BMERB1: variants seen among roughly 807,000 people sequenced by gnomAD.
BMERB1 encodes the protein bMERB domain containing 1.
In BMERB1, 12 loss-of-function variants were observed where a neutral mutation model predicts 23.6. The ratio of observed to expected loss-of-function variants is 0.51; its 90% CI spans 0.33 to 0.82. The LOEUF is 0.82. Ranked by LOEUF, BMERB1 falls within the 40% of genes least tolerant of loss-of-function variation. The probability of loss-of-function intolerance (pLI) is 0.03; values close to 1 mark genes in which losing one functional copy is unlikely to be tolerated. For synonymous variants in BMERB1, 122 were observed against 96.6 expected, an observed-to-expected ratio of 1.26 and a Z score of -1.54; for missense variants, 247 against 255.4, an observed-to-expected ratio of 0.97 and a Z score of 0.22.
chr16:15,452,154 A>C (rs995132739), intron 1 of BMERB1, among the ~76,000 whole-genome samples: 1 of 151,268 alleles, frequency 6.6e-6, no homozygotes, highest in African/African-American at 2.4e-5. Flanking sequence ...TGGGGCGTGC[A>C]CCTGTAGTCC....
chr16:15,534,100 C>T (rs1409544944), intron 2 of BMERB1, among the ~76,000 whole-genome samples: 3 of 151,848 alleles, frequency 2.0e-5, no homozygotes, highest in African/African-American at 4.8e-5. Flanking sequence ...CCTACTCCCA[C>T]AGGTCATTTG....
At chr16:15,534,305 A>G (rs113804210) in intron 2 of BMERB1, among the ~76,000 whole-genome samples, 85 of 141,852 alleles carry the variant, frequency 6.0e-4, no homozygotes, top group South Asian at 1.9e-3. Context: ...AAAAAAAAAA[A>G]AAAAAAAAAA....
rs757365966 is a variant in BMERB1, at chr16:15,581,229, C to A, written c.317C>A (p.Thr106Asn). ...GTCTTCTTTCCAGAAAAAGAAAAAA[C>A]CAAACTGCAGAAGCAGAGAGAGGAT... ...NLVAIPEKEKTKLQKQREDEL... is the reference protein window; with the variant it reads ...NLVAIPEKEKNKLQKQREDEL... The change falls in exon 4 of 6, where the codon ACC becomes AAC. Residue 106 changes from threonine to asparagine, a missense_variant. By Grantham distance (65) the Thr-to-Asn change is moderately conservative. Coordinates refer to ENST00000300006, the MANE Select transcript of BMERB1 (RefSeq NM_033201.3). 2.5e-6 allele frequency: 4 copies of A among 1,611,740 alleles called. No homozygotes were observed. Among genetic ancestry groups the A allele is most frequent in the African/African-American group, 1.3e-5 (1 of 74,884 alleles).
In BMERB1 at chr16:15,463,263, A is replaced by G. The variant is rs1375638744; in HGVS notation, c.106+28504A>G. Among the ~76,000 whole-genome samples the G allele has an allele frequency of 1.4e-5, 2 of 148,048 alleles. 1 individual carries two copies. The highest frequency in any genetic ancestry group is 5.3e-5 in the African/African-American group (2 of 37,664). ...CTGGCCAATTAAATCAATTAAATATATATATATTTTGTAGAGGCGGGGATC... is the reference window on the plus strand; with the variant it reads ...CTGGCCAATTAAATCAATTAAATATGTATATATTTTGTAGAGGCGGGGATC... On this transcript the variant is annotated intron_variant, in intron 1 of 5. Transcript: ENST00000300006.
At chr16:15,577,575 C>G (rs1596403254) in intron 3 of BMERB1, among the ~76,000 whole-genome samples, 1 of 152,208 alleles carries the variant, frequency 6.6e-6, no homozygotes, top group Non-Finnish European at 1.5e-5. Flanking sequence ...GGAAGACGGC[C>G]AAGTGGGTGA....
intron 1 of BMERB1, among the ~76,000 whole-genome samples, chr16:15,487,918 G>A (rs976507766): frequency 3.9e-5 from 6 of 152,174 alleles, no homozygotes; most frequent in Non-Finnish European, 7.3e-5. Context: ...CATGTGCGTT[G>A]CCCTCTTGGT....
At position 15,587,038 on chromosome 16, in the gene BMERB1, C is replaced by G; in HGVS notation, c.*209C>G. The G allele has an allele frequency of 1.8e-6, 1 of 542,246 alleles. No individual in the cohort carries two copies. The highest frequency in any genetic ancestry group is 3.3e-6 in the Non-Finnish European group (1 of 307,334). 33.6% of individuals were successfully genotyped at this position (542,246 alleles called of 1,614,324 possible). On this transcript the variant is annotated 3_prime_UTR_variant, in exon 6 of 6. Coordinates refer to ENST00000300006, the MANE Select transcript of BMERB1 (RefSeq NM_033201.3). ...GGGAGTCTCTCACCGTCGCATGGTC[C>G]TCCCCAGAGCATGCCGAACCCAGGA...
chr16:15,581,312 G>A lies in BMERB1; in HGVS notation c.400G>A (p.Ala134Thr), dbSNP rs200139620. The A allele has an allele frequency of 6.2e-7, 1 of 1,614,050 alleles. No homozygotes were observed. The highest frequency in any genetic ancestry group is 2.2e-5 in the East Asian group (1 of 44,882). The change falls in exon 4 of 6, where the codon GCG becomes ACG. Residue 134 changes from alanine (A) to threonine (T), a missense_variant. Ala to Thr is a moderately conservative substitution (Grantham distance 58). Coordinates refer to ENST00000300006, the MANE Select transcript of BMERB1 (RefSeq NM_033201.3). ...GAAGAGAGACTTCCTGGTGGACGAT[G>A]CGGAGGTCGAGCGGTTAAGGTGAGT... ...VQKRDFLVDD[A>T]EVERLREQEE...
At chr16:15,491,410 A>G (rs971814350) in intron 1 of BMERB1, among the ~76,000 whole-genome samples, 2 of 149,468 alleles carry the variant, frequency 1.3e-5, no homozygotes, top group Non-Finnish European at 3.0e-5. Flanking sequence ...CTGGAGTGCA[A>G]TGGTGAGATC....
At chr16:15,566,531 C>A (rs1022803073) in intron 2 of BMERB1, among the ~76,000 whole-genome samples, 1 of 151,856 alleles carries the variant, frequency 6.6e-6, no homozygotes, top group Non-Finnish European at 1.5e-5. Context: ...CAGTGGCTCA[C>A]GCCTGTAATC....
At chr16:15,440,061 A>G (rs2050926467) in intron 1 of BMERB1, among the ~76,000 whole-genome samples, 1 of 151,832 alleles carries the variant, frequency 6.6e-6, no homozygotes, top group Non-Finnish European at 1.5e-5. Context: ...CTGTCCCAAC[A>G]TGGTGAAACC....
intron 1 of BMERB1, among the ~76,000 whole-genome samples, chr16:15,458,141 T>C (rs2051100963): frequency 6.6e-6 from 1 of 152,182 alleles, no homozygotes; most frequent in Admixed American, 6.5e-5. Flanking sequence ...TCTTACCTTC[T>C]CAGAAGACTT....
At chr16:15,472,878 G>C (rs949119658) in intron 1 of BMERB1, among the ~76,000 whole-genome samples, 1 of 35,140 alleles carries the variant, frequency 2.8e-5, no homozygotes, top group Non-Finnish European at 6.8e-5. Context: ...TTTTTTTTTT[G>C]ACATGGTCTC....
At chr16:15,558,820 G>A (rs1420018395) in intron 2 of BMERB1, among the ~76,000 whole-genome samples, 4 of 150,872 alleles carry the variant, frequency 2.7e-5, no homozygotes, top group Admixed American at 2.0e-4. Context: ...AAGTTTGGTG[G>A]GCTTCATCAG....
At chr16:15,563,508 C>T (rs1006503897) in intron 2 of BMERB1, among the ~76,000 whole-genome samples, 13 of 151,982 alleles carry the variant, frequency 8.6e-5, no homozygotes, top group African/African-American at 2.9e-4. Context: ...TATGAGCCAC[C>T]GTGCCCAGCC....
intron 1 of BMERB1, among the ~76,000 whole-genome samples, chr16:15,482,404 G>A (rs2051329490): frequency 6.6e-6 from 1 of 152,204 alleles, no homozygotes; most frequent in African/African-American, 2.4e-5. Flanking sequence ...GAGTTGGGAA[G>A]TGAGAAAACA....
intron 2 of BMERB1, among the ~76,000 whole-genome samples, chr16:15,530,624 C>T (rs1449267049): frequency 6.6e-6 from 1 of 152,052 alleles, no homozygotes; most frequent in Non-Finnish European, 1.5e-5. Flanking sequence ...TGTCCCCACC[C>T]AAATCTTATC....
At chr16:15,490,364 C>G (rs571960825) in intron 1 of BMERB1, among the ~76,000 whole-genome samples, 1 of 152,266 alleles carries the variant, frequency 6.6e-6, no homozygotes, top group Non-Finnish European at 1.5e-5. Flanking sequence ...CCCACTGCAG[C>G]CTTTAACTCC....
At chr16:15,576,676 A>G (rs2030867811) in intron 3 of BMERB1, among the ~76,000 whole-genome samples, 1 of 151,980 alleles carries the variant, frequency 6.6e-6, no homozygotes, top group South Asian at 2.1e-4. Context: ...TCCAAAATCG[A>G]GGTGTCAACA....
Sources: allele counts gnomAD v4.1 joint callset (sites outside exome capture counted in the v4.1 genomes callset), GRCh38; gene constraint gnomAD v4.1.1; transcripts MANE v1.5; gene names NCBI Gene and HGNC (gene_info 2026-07-23, HGNC 2026-07-21).